LIN28B: variants seen among roughly 807,000 people sequenced by gnomAD.
The protein encoded by LIN28B is protein lin-28 homolog B.
Under a neutral mutation model 21.9 loss-of-function variants are expected in LIN28B, and 5 were observed. That is an observed-to-expected ratio of 0.23 (90% CI 0.12 to 0.48). The LOEUF is 0.48. Ranked by LOEUF, LIN28B falls within the 20% of genes least tolerant of loss-of-function variation. LIN28B has a pLI of 0.98. For missense variants in LIN28B, 245 were observed against 310.5 expected (o/e 0.79, Z 1.58); for synonymous variants, 109 against 111.3 (o/e 0.98, Z 0.13).
intron 3 of LIN28B, among the ~76,000 whole-genome samples, chr6:105,029,604 A>G (rs749206698): frequency 6.6e-6 from 1 of 152,226 alleles, no homozygotes; most frequent in Non-Finnish European, 1.5e-5. Flanking sequence ...AAATTTAACA[A>G]GAAAGACGTA....
intron 3 of LIN28B, among the ~76,000 whole-genome samples, chr6:105,035,964 A>G (rs965018905): frequency 1.4e-4 from 22 of 152,174 alleles, no homozygotes; most frequent in Admixed American, 1.4e-3. Flanking sequence ...TGGGAAAAAA[A>G]TAGTTTTAAA....
rs181498148 is a variant in LIN28B, at chr6:105,026,180, T to C, written c.199-118T>C. On this transcript the variant is annotated intron_variant, in intron 2 of 3. Coordinates refer to ENST00000345080, the MANE Select transcript of LIN28B (RefSeq NM_001004317.4). ...ATATGTTTCACTGAACTTAAGACTT[T>C]ATACTTTTGTAATGCATGACAGAGT... is the stretch of plus-strand genomic sequence containing the variant. 108 of 530,608 alleles carry C rather than the reference T, an allele frequency of 2.0e-4. 1 individual carries two copies. Among genetic ancestry groups the C allele is most frequent in the African/African-American group, 1.7e-3 (88 of 51,144 alleles). 32.9% of individuals were successfully genotyped at this position (530,608 alleles called of 1,614,324 possible).
At chr6:105,018,209 T>G (rs927467025) in intron 2 of LIN28B, among the ~76,000 whole-genome samples, 3 of 152,002 alleles carry the variant, frequency 2.0e-5, no homozygotes, top group African/African-American at 7.2e-5. Context: ...ATTGCTTGAG[T>G]CCAGGAGGTC....
chr6:104,948,706 TAAAC>T (rs1778186132), intron 2 of LIN28B, among the ~76,000 whole-genome samples: 1 of 152,202 alleles, frequency 6.6e-6, no homozygotes, highest in African/African-American at 2.4e-5. Context: ...TATCTACATT[TAAAC>T]AATGCTATTT....
intron 3 of LIN28B, among the ~76,000 whole-genome samples, chr6:105,046,949 T>G (rs1338473934): frequency 6.6e-6 from 1 of 152,190 alleles, no homozygotes; most frequent in African/African-American, 2.4e-5. Flanking sequence ...TGCAAAAATT[T>G]TCTCCCATTC....
intron 3 of LIN28B, among the ~76,000 whole-genome samples, chr6:105,063,043 G>C (rs555357068): frequency 6.6e-6 from 1 of 152,072 alleles, no homozygotes; most frequent in East Asian, 1.9e-4. Context: ...CAAAAATGTT[G>C]CATGATGACA....
rs188527826 is a variant in LIN28B, at chr6:104,978,875, T to A, written c.198+20589T>A. Among the ~76,000 whole-genome samples the A allele has an allele frequency of 2.6e-5, 4 of 152,226 alleles. No homozygotes were observed. In the East Asian group the frequency reaches 7.7e-4, roughly 29 times the overall value. On this transcript the variant is annotated intron_variant, in intron 2 of 3. Coordinates refer to ENST00000345080, the MANE Select transcript of LIN28B (RefSeq NM_001004317.4). ...CTGGGAAAAGTGGCTCCACCCCCAA[T>A]ATAAGGGGCTTAGACTTTTTAGTCT... is the stretch of plus-strand genomic sequence containing the variant.
chr6:105,014,969 T>C (rs547906907), intron 2 of LIN28B, among the ~76,000 whole-genome samples: 1 of 152,160 alleles, frequency 6.6e-6, no homozygotes, highest in South Asian at 2.1e-4. Context: ...TTTATCTTTT[T>C]ATTTATCATT....
chr6:104,959,885 G>A (rs1149278), intron 2 of LIN28B, among the ~76,000 whole-genome samples: 2,747 of 151,824 alleles, frequency 0.018, 91 homozygotes, highest in African/African-American at 0.063. Context: ...GTCTGGTCAC[G>A]CCTTTTTATA....
At chr6:104,951,484 A>T (rs1370158731) in intron 3 of LIN28B, among the ~76,000 whole-genome samples, 1 of 152,158 alleles carries the variant, frequency 6.6e-6, no homozygotes, top group Non-Finnish European at 1.5e-5. Flanking sequence ...CAAATGTTTT[A>T]GTATACCACC....
intron 3 of LIN28B, among the ~76,000 whole-genome samples, chr6:105,047,254 G>A (rs867190151): frequency 1.3e-5 from 2 of 152,132 alleles, no homozygotes; most frequent in East Asian, 3.9e-4. Flanking sequence ...AGTTTTCCCA[G>A]CACCATTTAT....
intron 3 of LIN28B, among the ~76,000 whole-genome samples, chr6:105,050,411 G>T (rs1161500092): frequency 6.6e-6 from 1 of 151,470 alleles, no homozygotes; most frequent in Non-Finnish European, 1.5e-5. Context: ...GACCATCCTG[G>T]CTAACAAGGT....
intron 1 of LIN28B, 40 bp downstream of exon 1, chr6:104,957,300 C>T: frequency 6.8e-7 from 1 of 1,470,648 alleles, no homozygotes; most frequent in South Asian, 1.2e-5. Context: ...GAATTTCTTT[C>T]TTCTTTTCTC....
chr6:105,075,472 A>G (rs974147437), intron 3 of LIN28B, among the ~76,000 whole-genome samples: 2 of 152,210 alleles, frequency 1.3e-5, no homozygotes, highest in East Asian at 1.9e-4. Context: ...GAATGATTAA[A>G]TAGAAGAGAA....
rs113561677 is a variant in LIN28B at position 105,076,693 on chromosome 6, C to T, written c.384-1721C>T. On this transcript the variant is annotated intron_variant, in intron 3 of 3. Transcript: ENST00000345080. ...CGCAATCTCGGCTTACTGCAACCTC[C>T]GCCTCCCAGGTTCAAGCAGTTCTGC... Among the ~76,000 whole-genome samples, 212 of 151,908 alleles carry T rather than the reference C, an allele frequency of 1.4e-3. 2 individuals are homozygous for T. Among genetic ancestry groups the T allele is most frequent in the African/African-American group, 4.9e-3 (203 of 41,466 alleles).
At chr6:105,019,134 G>T (rs1771085696) in intron 2 of LIN28B, among the ~76,000 whole-genome samples, 1 of 152,084 alleles carries the variant, frequency 6.6e-6, no homozygotes, top group Admixed American at 6.6e-5. Context: ...TTTTAGTAGA[G>T]ATGGGGTTTC....
intron 2 of LIN28B, among the ~76,000 whole-genome samples, chr6:104,943,359 G>A (rs1778118653): frequency 6.6e-6 from 1 of 152,080 alleles, no homozygotes; most frequent in African/African-American, 2.4e-5. Context: ...ATTAAAGGAA[G>A]AAAATAAGTT....
intron 3 of LIN28B, among the ~76,000 whole-genome samples, chr6:105,076,607 T>A (rs916845040): frequency 6.6e-6 from 1 of 151,830 alleles, no homozygotes; most frequent in Admixed American, 6.6e-5. Context: ...CAGTTAACAC[T>A]TTTTTTGTTG....
upstream of LIN28B, among the ~76,000 whole-genome samples, chr6:104,955,678 T>A (rs1778275988): frequency 7.0e-6 from 1 of 142,406 alleles, no homozygotes; most frequent in Non-Finnish European, 1.5e-5. Context: ...GGGGGATTGC[T>A]GGCATGGTGG....
Sources: allele counts gnomAD v4.1 joint callset (sites outside exome capture counted in the v4.1 genomes callset), GRCh38; gene constraint gnomAD v4.1.1; transcripts MANE v1.5; gene names NCBI Gene and HGNC (gene_info 2026-07-23, HGNC 2026-07-21).